HPSE2: variants seen among roughly 807,000 people sequenced by gnomAD.
HPSE2 encodes heparanase 2 (inactive).
Under a neutral mutation model 60.5 loss-of-function variants are expected in HPSE2, and 38 were observed. The ratio of observed to expected loss-of-function variants is 0.63; its 90% CI spans 0.48 to 0.82. The LOEUF (loss-of-function observed/expected upper bound fraction) is 0.82. HPSE2 is among the 40% of genes least tolerant of loss of function. The pLI is 0.00. For missense variants in HPSE2, 713 were observed against 740.4 expected (o/e 0.96, Z 0.43); for synonymous variants, 295 against 293.2 (o/e 1.01, Z -0.06).
chr10:98,953,778 GTCTTCACCTCGGC>G (rs1396218330), intron 3 of HPSE2, among the ~76,000 whole-genome samples: 2 of 152,082 alleles, frequency 1.3e-5, no homozygotes, highest in African/African-American at 4.8e-5. Context: ...ATAAACCTAG[GTCTTCACCTCGGC>G]TCTGCCTTTT....
intron 3 of HPSE2, among the ~76,000 whole-genome samples, chr10:98,936,877 G>A (rs1954808735): frequency 7.4e-6 from 1 of 136,044 alleles, no homozygotes; most frequent in African/African-American, 3.2e-5. Context: ...TACTCAGGAG[G>A]CTGAAGCAGG....
intron 6 of HPSE2, among the ~76,000 whole-genome samples, chr10:98,650,713 A>G (rs1946892734): frequency 6.6e-6 from 1 of 152,224 alleles, no homozygotes; most frequent in Non-Finnish European, 1.5e-5. Context: ...CAAAAAGGAC[A>G]TGGAATCTAG....
intron 11 of HPSE2, among the ~76,000 whole-genome samples, chr10:98,464,251 G>A (rs1416304678): frequency 1.3e-5 from 2 of 152,164 alleles, no homozygotes; most frequent in African/African-American, 4.8e-5. Flanking sequence ...GAGGTATCAT[G>A]TACTTTTTAA....
chr10:99,260,127 G>A, the HPSE2 span, among the ~76,000 whole-genome samples: 2 of 152,030 alleles, frequency 1.3e-5, no homozygotes, highest in African/African-American at 4.8e-5. Flanking sequence ...ATATGGAATA[G>A]ATCAATCAGA....
chr10:98,705,268 G>A (rs4919254), intron 5 of HPSE2, among the ~76,000 whole-genome samples: 108,589 of 152,092 alleles, frequency 0.71, 40,790 homozygotes, highest in South Asian at 0.95. Flanking sequence ...AGATGCTGGC[G>A]AAGCTGCGGA....
chr10:99,128,888 G>T (rs1845271343), intron 3 of HPSE2, among the ~76,000 whole-genome samples: 2 of 152,004 alleles, frequency 1.3e-5, no homozygotes, highest in African/African-American at 4.8e-5. Flanking sequence ...CCAAGTATCT[G>T]CTGTCTTCAA....
chr10:98,567,668 A>T (rs657442), intron 9 of HPSE2, among the ~76,000 whole-genome samples: 2 of 152,006 alleles, frequency 1.3e-5, no homozygotes, highest in South Asian at 2.1e-4. Context: ...GGGAAAAGTC[A>T]GACCAGCTGA....
chr10:98,465,551 G>A (rs1940491982), intron 11 of HPSE2, among the ~76,000 whole-genome samples: 2 of 152,206 alleles, frequency 1.3e-5, no homozygotes, highest in Admixed American at 1.3e-4. Context: ...GGTTAGACAG[G>A]TTAAGTGGTC....
intron 6 of HPSE2, among the ~76,000 whole-genome samples, chr10:98,670,499 C>A (rs1947477500): frequency 6.6e-6 from 1 of 152,106 alleles, no homozygotes; most frequent in Non-Finnish European, 1.5e-5. Context: ...TCTGAAAATT[C>A]AAGATCTGAA....
chr10:98,977,103 G>A (rs1007010725), intron 3 of HPSE2, among the ~76,000 whole-genome samples: 1 of 152,170 alleles, frequency 6.6e-6, no homozygotes, highest in Non-Finnish European at 1.5e-5. Context: ...AGAACTGTGA[G>A]AGAGTACATT....
chr10:98,647,286 A>G (rs1946796054), intron 6 of HPSE2, among the ~76,000 whole-genome samples: 1 of 152,202 alleles, frequency 6.6e-6, no homozygotes, highest in South Asian at 2.1e-4. Flanking sequence ...TAGGCTTTTA[A>G]AACATTTAAT....
At chr10:98,467,842 G>A (rs1366096945) in intron 11 of HPSE2, among the ~76,000 whole-genome samples, 1 of 152,268 alleles carries the variant, frequency 6.6e-6, no homozygotes, top group Non-Finnish European at 1.5e-5. Context: ...CCTGGAATGT[G>A]GCCTAATATT....
intron 3 of HPSE2, among the ~76,000 whole-genome samples, chr10:98,892,042 A>G (rs1953350354): frequency 6.6e-6 from 1 of 152,206 alleles, no homozygotes; most frequent in African/African-American, 2.4e-5. Context: ...AAGTGCTGGG[A>G]TCACAGGTGT....
At chr10:98,874,244 G>T (rs1485063499) in intron 3 of HPSE2, among the ~76,000 whole-genome samples, 1 of 149,270 alleles carries the variant, frequency 6.7e-6, no homozygotes, top group African/African-American at 2.5e-5. Flanking sequence ...GGCTTTTGTT[G>T]CAATTGCTTT....
chr10:98,867,415 T>C (rs897928593), intron 3 of HPSE2, among the ~76,000 whole-genome samples: 2 of 152,032 alleles, frequency 1.3e-5, no homozygotes, highest in African/African-American at 4.8e-5. Context: ...ACATTGATCA[T>C]CAGAGAAATG....
At chr10:98,997,617 C>T (rs1278032715) in intron 3 of HPSE2, among the ~76,000 whole-genome samples, 1 of 152,216 alleles carries the variant, frequency 6.6e-6, no homozygotes, top group Non-Finnish European at 1.5e-5. Flanking sequence ...CAATTTCACA[C>T]ACAATTTAAG....
intron 3 of HPSE2, among the ~76,000 whole-genome samples, chr10:98,903,570 A>T (rs1953726637): frequency 6.6e-6 from 1 of 152,110 alleles, no homozygotes; most frequent in African/African-American, 2.4e-5. Context: ...TTCTTGCTTC[A>T]GTGGCACTCG....
intron 4 of HPSE2, among the ~76,000 whole-genome samples, chr10:98,739,149 A>T (rs1949432049): frequency 6.6e-6 from 1 of 152,240 alleles, no homozygotes; most frequent in Non-Finnish European, 1.5e-5. Context: ...GCCATAAAAA[A>T]GAATGAGTTC....
intron 3 of HPSE2, among the ~76,000 whole-genome samples, chr10:98,840,099 T>G (rs573838233): frequency 1.3e-5 from 2 of 152,356 alleles, no homozygotes; most frequent in South Asian, 4.1e-4. Context: ...GAACTCAAGT[T>G]GTCTTGTTTT....
Sources: allele counts gnomAD v4.1 joint callset (sites outside exome capture counted in the v4.1 genomes callset), GRCh38; gene constraint gnomAD v4.1.1; transcripts MANE v1.5; gene names NCBI Gene and HGNC (gene_info 2026-07-23, HGNC 2026-07-21).